COL6A5: variants seen among roughly 807,000 people sequenced by gnomAD.
COL6A5 encodes the protein collagen type VI alpha 5 chain.
COL6A5 carries 48 observed loss-of-function variants against 65.6 expected under a neutral mutation model. The observed-to-expected ratio is 0.73, with a 90% CI of 0.58 to 0.93. The LOEUF is 0.93. Ranked by LOEUF, COL6A5 falls within the 40% of genes least tolerant of loss-of-function variation. The pLI, the probability that COL6A5 is intolerant of heterozygous loss-of-function variation, is 0.00. For missense variants in COL6A5, 914 were observed against 928.3 expected, an observed-to-expected ratio of 0.98 and a Z score of 0.20; for synonymous variants, 291 against 322.8, an observed-to-expected ratio of 0.90 and a Z score of 1.05.
chr3:130,447,367 A>G (rs1709331511), intron 4 of COL6A5, among the ~76,000 whole-genome samples: 1 of 152,128 alleles, frequency 6.6e-6, no homozygotes, highest in Non-Finnish European at 1.5e-5. Context: ...CTGATTTGGA[A>G]GTACGAAGAC....
At chr3:130,414,451 G>C (rs895391784) in intron 22 of COL6A5, among the ~76,000 whole-genome samples, 1 of 152,082 alleles carries the variant, frequency 6.6e-6, no homozygotes, top group Non-Finnish European at 1.5e-5. Flanking sequence ...GTTTTCCATA[G>C]CTGGGGTCCT....
At chr3:130,388,860 A>G (rs1256275008) in exon 6 of COL6A5, 4 of 1,551,338 alleles carry the variant, frequency 2.6e-6, no homozygotes, top group Non-Finnish European at 3.5e-6. Flanking sequence ...TAAATTTTGT[A>G]GGTCAATACT....
At chr3:130,368,045 C>G (rs1055992520) in intron 1 of COL6A5, among the ~76,000 whole-genome samples, 1 of 152,172 alleles carries the variant, frequency 6.6e-6, no homozygotes. Flanking sequence ...GTACTGCTGC[C>G]AAACCTCCTC....
At chr3:130,477,133 A>C in intron 7 of COL6A5, 10 of 1,349,000 alleles carry the variant, frequency 7.4e-6, no homozygotes, top group Non-Finnish European at 8.2e-6. Flanking sequence ...CTCTATGTTT[A>C]TAGAACGTAA....
At chr3:130,348,693 G>A (rs370037085) in intron 1 of COL6A5, among the ~76,000 whole-genome samples, 10 of 152,250 alleles carry the variant, frequency 6.6e-5, no homozygotes, top group East Asian at 1.9e-4. Flanking sequence ...TTGAGGAATC[G>A]CCATACTGTC....
rs1353381313 is a variant in COL6A5, at chr3:130,345,976, A to T, written c.-34A>T. 3.8e-5 allele frequency: 15 copies of T among 398,504 alleles called. No homozygotes were observed. The allele number at this position is 398,504 out of a possible 1,614,324, so 24.7% of individuals were successfully genotyped here. On this transcript the variant is annotated 5_prime_UTR_variant and NMD_transcript_variant, in exon 1 of 42. The change creates a new upstream start codon in the 5' untranslated region. Transcript: ENST00000312481. ...CCGGAGTGTCCCCTGACCCCGGGAA[A>T]GCTGGGTAAGTATGCGGTGCGGGGA...
upstream of COL6A5, chr3:130,431,421 G>T: frequency 6.5e-7 from 1 of 1,544,178 alleles, no homozygotes; most frequent in South Asian, 1.2e-5. Context: ...AAAGGATTTT[G>T]ATCCAGTGAA....
At chr3:130,476,726 A>G (rs819091) in intron 7 of COL6A5, among the ~76,000 whole-genome samples, 96,159 of 151,972 alleles carry the variant, frequency 0.63, 33,378 homozygotes, top group Non-Finnish European at 0.79. Flanking sequence ...TGAAAATAAT[A>G]AGGTTGGTAG....
At chr3:130,478,742 T>A (rs1710158929) in intron 7 of COL6A5, among the ~76,000 whole-genome samples, 2 of 152,156 alleles carry the variant, frequency 1.3e-5, no homozygotes, top group Admixed American at 1.3e-4. Flanking sequence ...CTATCTGTAG[T>A]CCTTCTTTAA....
chr3:130,384,857 A>C (rs1285400170), exon 5 of COL6A5: 1 of 1,550,606 alleles, frequency 6.4e-7, no homozygotes, highest in South Asian at 1.2e-5. Flanking sequence ...TGGCTCAAGC[A>C]GCATCCAGGA....
At chr3:130,484,320 CTT>C in exon 8 of COL6A5, 2 of 492,378 alleles carry the variant, frequency 4.1e-6, no homozygotes, top group Non-Finnish European at 7.1e-6. Context: ...TAAGAGTTAA[CTT>C]TTCTTTGAAA....
chr3:130,459,065 C>G (rs1313766189), intron 5 of COL6A5, among the ~76,000 whole-genome samples: 1 of 152,076 alleles, frequency 6.6e-6, no homozygotes, highest in African/African-American at 2.4e-5. Flanking sequence ...TAAGATACAG[C>G]TAATCTACCT....
In COL6A5 at chr3:130,455,633, C is replaced by A. The variant is rs892819516; in HGVS notation, c.1513C>A (p.Gln505Lys). Residue 505 changes from glutamine to lysine, a missense_variant, in exon 5 of 8, where the codon CAA becomes AAA. By Grantham distance (53) the Gln-to-Lys change is moderately conservative. Transcript: ENST00000512836. Reference sequence around the variant, plus strand: ...ATTAATGATCAATTATGAAAAAGATCAAAAATCTGCAGAAATTGCAAGTCT... The same window carrying A: ...ATTAATGATCAATTATGAAAAAGATAAAAAATCTGCAGAAATTGCAAGTCT... The A allele has an allele frequency of 7.7e-5, 124 of 1,612,564 alleles. 2 individuals carry two copies. The Admixed American group carries it at 1.4e-3, about 18-fold the overall frequency.
chr3:130,457,552 C>T (rs571697472), intron 5 of COL6A5, among the ~76,000 whole-genome samples: 137 of 152,130 alleles, frequency 9.0e-4, no homozygotes, highest in African/African-American at 3.1e-3. Flanking sequence ...AAATGTAAAT[C>T]CTACCCCACC....
exon 1 of COL6A5, chr3:130,345,792 C>T (rs1934440549): frequency 2.5e-6 from 1 of 398,636 alleles, no homozygotes; most frequent in Non-Finnish European, 4.4e-6. Context: ...CGGGAATCCA[C>T]CTGCAGCTGT....
chr3:130,425,631 TG>T (rs772418830), intron 29 of COL6A5, among the ~76,000 whole-genome samples: 3 of 152,204 alleles, frequency 2.0e-5, no homozygotes, highest in Non-Finnish European at 4.4e-5. Flanking sequence ...TGTTTTGCTT[TG>T]CTCCATAATC....
rs1487998499 is a variant in COL6A5 at position 130,398,115 on chromosome 3, T to C, written c.3991+4T>C. ...TCAGACAGGCTCAGAGAAGCAGGTA[T>C]TGAGTTGTTGTTGTTTTTTTTTTTT... is the stretch of plus-strand genomic sequence containing the variant. On this transcript the variant is annotated splice_donor_region_variant and intron_variant and NMD_transcript_variant, in intron 10 of 41. Transcript: ENST00000312481. 3 of 1,516,834 alleles carry C rather than the reference T, an allele frequency of 2.0e-6. No homozygotes were observed. Among genetic ancestry groups the C allele is most frequent in the East Asian group, 2.5e-5 (1 of 40,584 alleles). 94.0% of individuals were successfully genotyped at this position (1,516,834 alleles called of 1,614,324 possible). A position where few individuals can be genotyped will look rare whatever the true frequency, so the allele number is the denominator to read the frequency against.
At chr3:130,392,168 A>G (rs770612317) in intron 7 of COL6A5, among the ~76,000 whole-genome samples, 1 of 152,174 alleles carries the variant, frequency 6.6e-6, no homozygotes, top group Non-Finnish European at 1.5e-5. Flanking sequence ...GTTTAAATGG[A>G]TAGACTTTTG....
At chr3:130,410,096 A>G (rs1435428468) in intron 19 of COL6A5, 22 bp downstream of exon 19, 7 of 1,499,760 alleles carry the variant, frequency 4.7e-6, no homozygotes, top group Non-Finnish European at 6.3e-6. Flanking sequence ...TGTTTTATCT[A>G]TGAGTTGATT....
Sources: gnomAD v4.1 joint callset for allele counts (sites outside exome capture counted in the v4.1 genomes callset) on GRCh38, gnomAD v4.1.1 for gene constraint, MANE v1.5 for transcripts, NCBI Gene and HGNC (gene_info 2026-07-23, HGNC 2026-07-21) for gene names.